Variants in PIK3R5 observed in about 807,000 individuals in gnomAD.
PIK3R5 encodes the protein phosphoinositide-3-kinase regulatory subunit 5, also known as phosphoinositide 3-kinase regulatory subunit 5.
Under a neutral mutation model 94.9 loss-of-function variants are expected in PIK3R5, and 32 were observed. That is an observed-to-expected ratio of 0.34 (90% confidence interval 0.25 to 0.45). PIK3R5 has a LOEUF of 0.45. PIK3R5 is among the 20% of genes least tolerant of loss of function. The pLI is 1.00. For synonymous variants in PIK3R5, 443 were observed against 479.4 expected (o/e 0.92, Z 0.99); for missense variants, 853 against 1,144.6 (o/e 0.75, Z 3.68).
At position 8,893,720 on chromosome 17, in the gene PIK3R5, G is replaced by C; in HGVS notation, c.413-65C>G. 1.6e-6 allele frequency: 2 copies of C among 1,258,582 alleles called. No individual in the cohort carries two copies. The highest frequency in any genetic ancestry group is 2.3e-6 in the Non-Finnish European group (2 of 859,602). The allele number at this position is 1,258,582 out of a possible 1,614,324, so 78.0% of individuals were successfully genotyped here. ...TCCTTCAGCATCGTCCGTGTGCCTC[G>C]TGGGGAGCCAAGCACTGGACAATCA... is the stretch of plus-strand genomic sequence containing the variant. On this transcript the variant is annotated intron_variant, in intron 5 of 18. Coordinates refer to ENST00000447110, the MANE Select transcript of PIK3R5 (RefSeq NM_001142633.3). This position sits in a 1 kb window ranked among gnomAD's most constrained non-coding sequence, Gnocchi z 5.1.
At chr17:8,905,024 TC>T (rs2151400030) in intron 4 of PIK3R5, 109 bp from the exon 5 acceptor site, 5 of 1,215,522 alleles carry the variant, frequency 4.1e-6, no homozygotes, top group Non-Finnish European at 5.9e-6. Context: ...GACACACATT[TC>T]CTGGCCGCAG....
chr17:8,901,800 T>C (rs1438899168), intron 5 of PIK3R5, among the ~76,000 whole-genome samples: 1 of 152,244 alleles, frequency 6.6e-6, no homozygotes, highest in Non-Finnish European at 1.5e-5. Flanking sequence ...TTGAATATCA[T>C]TCCACCAAAT....
intron 1 of PIK3R5, among the ~76,000 whole-genome samples, chr17:8,951,049 A>C (rs1274611190): frequency 6.6e-6 from 1 of 152,224 alleles, no homozygotes; most frequent in Non-Finnish European, 1.5e-5. Context: ...CCTCATAATC[A>C]GTGATAATGA....
chr17:8,887,246 A>C (rs1244300104), intron 11 of PIK3R5, 25 bp from the exon 12 acceptor site: 1 of 1,612,990 alleles, frequency 6.2e-7, no homozygotes, highest in East Asian at 2.2e-5. Context: ...AAGAGTCATC[A>C]TCCCAGCTCC....
intron 1 of PIK3R5, among the ~76,000 whole-genome samples, chr17:8,941,331 A>T (rs905199701): frequency 6.6e-6 from 1 of 152,122 alleles, no homozygotes; most frequent in Non-Finnish European, 1.5e-5. Context: ...CCACGCAGTG[A>T]TTCGGGTTGG....
At chr17:8,948,354 G>C (rs1020103822) in intron 1 of PIK3R5, among the ~76,000 whole-genome samples, 13 of 152,144 alleles carry the variant, frequency 8.5e-5, no homozygotes, top group Non-Finnish European at 1.8e-4. Context: ...TATGTATTGA[G>C]GGTCTACTAT....
intron 1 of PIK3R5, among the ~76,000 whole-genome samples, chr17:8,940,107 T>C (rs77083273): frequency 0.042 from 6,324 of 152,240 alleles, 456 homozygotes; most frequent in African/African-American, 0.14. Context: ...CTAAGCCTGC[T>C]TCCCCTGGGA....
chr17:8,880,879 C>T (rs780133823), intron 18 of PIK3R5, 26 bp downstream of exon 18: 1 of 1,612,894 alleles, frequency 6.2e-7, no homozygotes, highest in South Asian at 1.1e-5. Flanking sequence ...GAAACTGCTC[C>T]CCTCCCTAGG....
rs189858227 is a variant in PIK3R5, at chr17:8,891,037, G to A, written c.483-125C>T. On this transcript the variant is annotated intron_variant, in intron 6 of 18. Coordinates refer to ENST00000447110, the MANE Select transcript of PIK3R5 (RefSeq NM_001142633.3). ...CAGGGCCTCCTCAAGCCCAGGCAGA[G>A]CTCGAGGAGGTGACCACAGGAGGCC... 11 of 880,564 alleles carry A rather than the reference G, an allele frequency of 1.2e-5. No individual in the cohort carries two copies. In the African/African-American group the frequency reaches 1.8e-4, roughly 15 times the overall value. 54.5% of individuals were successfully genotyped at this position (880,564 alleles called of 1,614,324 possible). A position where few individuals can be genotyped will look rare whatever the true frequency, so the allele number is the denominator to read the frequency against.
intron 1 of PIK3R5, among the ~76,000 whole-genome samples, chr17:8,940,965 C>T (rs1245429018): frequency 6.6e-6 from 1 of 152,134 alleles, no homozygotes. Context: ...TCAAGGCATC[C>T]CCGCTCCTCT....
chr17:8,891,683 G>A (rs1272363437), intron 6 of PIK3R5, among the ~76,000 whole-genome samples: 6 of 147,646 alleles, frequency 4.1e-5, no homozygotes, highest in African/African-American at 1.5e-4. Context: ...TGCAAGCCCC[G>A]CCTCCCGGGT....
In PIK3R5 at chr17:8,904,848, G is replaced by C; in HGVS notation, c.341C>G (p.Thr114Ser). ...GATGCTGCAGTAAGGAACAGGCCAG[G>C]TCAGGAACCGGTGGTAGGTGCTGGC... ...KAASTYHRFL[T>S]WPVPYCSICQ... Residue 114 changes from threonine to serine, a missense_variant, in exon 5 of 19, where the codon ACC becomes AGC. Transcript: ENST00000447110. The surrounding 1 kb of genome is among the most constrained non-coding windows in gnomAD (Gnocchi z 5.1). 1 of 1,614,138 alleles carries C rather than the reference G, an allele frequency of 6.2e-7. No homozygotes were observed. Among genetic ancestry groups the C allele is most frequent in the East Asian group, 2.2e-5 (1 of 44,886 alleles).
intron 3 of PIK3R5, among the ~76,000 whole-genome samples, chr17:8,908,530 A>AACACACACACACACACACAC (rs3138608): frequency 7.3e-6 from 1 of 136,582 alleles, no homozygotes; most frequent in African/African-American, 2.8e-5. Flanking sequence ...AAATAATTAA[A>AACACACACACACACACACAC]ACACACACAC....
Position 8,881,914 on chromosome 17 carries a change from C to CT in PIK3R5, c.2206-34_2206-33insA. 3 of 1,536,442 alleles carry CT rather than the reference C, an allele frequency of 2.0e-6. No homozygotes were observed. Among genetic ancestry groups the CT allele is most frequent in the Non-Finnish European group, 2.7e-6 (3 of 1,115,224 alleles). On this transcript the variant is annotated intron_variant, in intron 15 of 18. Transcript: ENST00000447110. The surrounding 1 kb of genome is among the most constrained non-coding windows in gnomAD (Gnocchi z 4.8). ...TGCAGTGTAGCCAGACCCTCTGAGT[C>CT]CAGAGGCCCCGGTGCCTGCTGCCTT...
chr17:8,927,423 T>A (rs2090904778), intron 1 of PIK3R5, among the ~76,000 whole-genome samples: 1 of 152,068 alleles, frequency 6.6e-6, no homozygotes, highest in Non-Finnish European at 1.5e-5. Context: ...GATAGCCAGG[T>A]CTTTTATCTC....
chr17:8,950,950 C>T (rs1417305579), intron 1 of PIK3R5, among the ~76,000 whole-genome samples: 4 of 152,182 alleles, frequency 2.6e-5, no homozygotes, highest in Admixed American at 6.5e-5. Context: ...TCCACAGCCT[C>T]GCCAGCATCT....
In PIK3R5 at chr17:8,955,313, C is replaced by A. The variant is rs578142626; in HGVS notation, c.-14+10283G>T. ...GACAAGTGCTGGCCCCTGCAAGGCA[C>A]TGGAGAGTCAGCACTGAACAAAATG... On this transcript the variant is annotated intron_variant, in intron 1 of 18. Coordinates refer to ENST00000447110, the MANE Select transcript of PIK3R5 (RefSeq NM_001142633.3). This position sits in a 1 kb window ranked among gnomAD's most constrained non-coding sequence, Gnocchi z 4.4. Among the ~76,000 whole-genome samples, 1 of 152,338 alleles carries A rather than the reference C, an allele frequency of 6.6e-6. No individual in the cohort carries two copies. Among genetic ancestry groups the A allele is most frequent in the South Asian group, 2.1e-4 (1 of 4,832 alleles).
At chr17:8,938,359 T>C (rs2091113993) in intron 1 of PIK3R5, among the ~76,000 whole-genome samples, 1 of 152,218 alleles carries the variant, frequency 6.6e-6, no homozygotes, top group Non-Finnish European at 1.5e-5. Flanking sequence ...GGTTTGGCAG[T>C]GATTTTTACT....
At position 8,881,727 on chromosome 17, in the gene PIK3R5, C is replaced by T. The variant is rs1016112262; in HGVS notation, c.2300-15G>A. 1 of 1,613,806 alleles carries T rather than the reference C, an allele frequency of 6.2e-7. No individual in the cohort carries two copies. The highest frequency in any genetic ancestry group is 8.5e-7 in the Non-Finnish European group (1 of 1,179,788). ...CATGCTGGAATCTGAGGGGCAAGGA[C>T]ACTCAGGCCAGGCTCAGAGCACCTC... On this transcript the variant is annotated splice_polypyrimidine_tract_variant and intron_variant, in intron 16 of 18. Transcript: ENST00000447110. This position sits in a 1 kb window ranked among gnomAD's most constrained non-coding sequence, Gnocchi z 4.8.
Sources: gnomAD v4.1 joint callset for allele counts (sites outside exome capture counted in the v4.1 genomes callset) on GRCh38, gnomAD v4.1.1 for gene constraint, Gnocchi (gnomAD v3.1) non-coding constraint, MANE v1.5 for transcripts, NCBI Gene and HGNC (gene_info 2026-07-23, HGNC 2026-07-21) for gene names.